The following ERC2 variants were observed in gnomAD, a reference collection of about 807,000 sequenced individuals.
The protein encoded by ERC2 is ELKS/RAB6-interacting/CAST family member 2.
A neutral mutation model predicts 114.8 loss-of-function variants in ERC2; 42 were observed. The observed-to-expected ratio is 0.37, with a 90% CI of 0.29 to 0.47. ERC2 has a LOEUF of 0.47. Ranked by LOEUF, ERC2 falls within the 20% of genes least tolerant of loss-of-function variation. The probability of loss-of-function intolerance (pLI) is 0.99; values close to 1 mark genes in which losing one functional copy is unlikely to be tolerated. For missense variants in ERC2, 939 were observed against 1,150.7 expected (o/e 0.82, Z 2.66); for synonymous variants, 454 against 425.5 (o/e 1.07, Z -0.82).
intron 17 of ERC2, among the ~76,000 whole-genome samples, chr3:55,608,618 G>GA (rs1285848213): frequency 2.0e-5 from 3 of 152,104 alleles, no homozygotes; most frequent in Non-Finnish European, 4.4e-5. Flanking sequence ...GCTTCCTTCT[G>GA]AAAAAATAAA....
intron 1 of ERC2, among the ~76,000 whole-genome samples, chr3:56,447,925 T>A (rs532218879): frequency 6.6e-6 from 1 of 152,214 alleles, no homozygotes; most frequent in East Asian, 1.9e-4. Flanking sequence ...GTATTTTTAG[T>A]ACAGATGGGG....
At chr3:55,973,670 G>C (rs1257788318) in intron 12 of ERC2, among the ~76,000 whole-genome samples, 11 of 152,142 alleles carry the variant, frequency 7.2e-5, no homozygotes. Flanking sequence ...TACCCTTCCA[G>C]GGTTGTTGGG....
At chr3:56,196,155 G>A (rs1446075632) in intron 3 of ERC2, among the ~76,000 whole-genome samples, 4 of 152,056 alleles carry the variant, frequency 2.6e-5, no homozygotes, top group African/African-American at 9.7e-5. Context: ...CCTCCCCTTG[G>A]CAAGCTGCTA....
At chr3:56,110,825 A>G (rs930095935) in intron 6 of ERC2, among the ~76,000 whole-genome samples, 1 of 152,224 alleles carries the variant, frequency 6.6e-6, no homozygotes, top group Non-Finnish European at 1.5e-5. Flanking sequence ...ATAATCAAAG[A>G]CTAATCTAGA....
chr3:55,784,841 T>C (rs2069355722), intron 14 of ERC2, among the ~76,000 whole-genome samples: 1 of 152,252 alleles, frequency 6.6e-6, no homozygotes, highest in African/African-American at 2.4e-5. Flanking sequence ...TGGAAGTTGC[T>C]GCCAAAGCTA....
At chr3:56,194,311 C>A (rs1005348721) in intron 3 of ERC2, among the ~76,000 whole-genome samples, 3 of 152,022 alleles carry the variant, frequency 2.0e-5, no homozygotes, top group Non-Finnish European at 4.4e-5. Context: ...AAGGTATTTG[C>A]AGATATAATT....
At chr3:55,628,544 CTTCT>C (rs1324590416) in intron 17 of ERC2, among the ~76,000 whole-genome samples, 4 of 152,140 alleles carry the variant, frequency 2.6e-5, no homozygotes, top group African/African-American at 7.2e-5. Flanking sequence ...CTTCCTTCTA[CTTCT>C]TTCTGTTTAC....
intron 6 of ERC2, among the ~76,000 whole-genome samples, chr3:56,109,254 G>T (rs1392453508): frequency 6.6e-6 from 1 of 152,024 alleles, no homozygotes; most frequent in Non-Finnish European, 1.5e-5. Flanking sequence ...CATTTAACTT[G>T]TAAGTGAGAA....
intron 3 of ERC2, among the ~76,000 whole-genome samples, chr3:56,182,499 G>A (rs528970712): frequency 5.9e-5 from 9 of 152,326 alleles, no homozygotes; most frequent in South Asian, 2.1e-4. Flanking sequence ...ATTGCTATGC[G>A]CTAAGCACTC....
intron 17 of ERC2, among the ~76,000 whole-genome samples, chr3:55,627,192 G>A (rs981358039): frequency 3.3e-5 from 5 of 152,218 alleles, no homozygotes; most frequent in African/African-American, 1.2e-4. Flanking sequence ...TTTTGGCCGG[G>A]TGTGGTGGCT....
chr3:56,405,764 T>C (rs2060694819), intron 2 of ERC2, among the ~76,000 whole-genome samples: 1 of 152,154 alleles, frequency 6.6e-6, no homozygotes, highest in African/African-American at 2.4e-5. Context: ...CTATTGGATA[T>C]TTAGGTTAGT....
intron 17 of ERC2, among the ~76,000 whole-genome samples, chr3:55,572,661 G>C (rs148537363): frequency 6.6e-6 from 1 of 152,194 alleles, no homozygotes; most frequent in Non-Finnish European, 1.5e-5. Flanking sequence ...CTGGGGCTGG[G>C]GGACTTGCCT....
At chr3:55,562,589 A>G (rs371584157) in intron 17 of ERC2, among the ~76,000 whole-genome samples, 1 of 152,216 alleles carries the variant, frequency 6.6e-6, no homozygotes, top group African/African-American at 2.4e-5. Flanking sequence ...AGTGTTTTGC[A>G]TACTCTGCTT....
intron 15 of ERC2, among the ~76,000 whole-genome samples, chr3:55,717,009 C>T (rs993501134): frequency 7.2e-5 from 11 of 152,072 alleles, no homozygotes; most frequent in African/African-American, 2.7e-4. Flanking sequence ...GGTGACTCTC[C>T]CCTGAGATTT....
At chr3:56,295,947 T>C (rs1215809891) in intron 3 of ERC2, 72 bp downstream of exon 3, 3 of 1,446,184 alleles carry the variant, frequency 2.1e-6, no homozygotes, top group Non-Finnish European at 1.8e-6. Flanking sequence ...TCTTCCAACC[T>C]GTGAAAATAA....
chr3:55,514,171 T>G (rs1452057087), intron 17 of ERC2, among the ~76,000 whole-genome samples: 3 of 152,096 alleles, frequency 2.0e-5, no homozygotes, highest in Non-Finnish European at 2.9e-5. Context: ...CTGAGGTGGG[T>G]GGATATTTTG....
chr3:56,343,192 T>TCTCTCACACACACACACACACA (rs1376220124), intron 2 of ERC2, among the ~76,000 whole-genome samples: 31 of 126,206 alleles, frequency 2.5e-4, no homozygotes, highest in African/African-American at 8.4e-4. Flanking sequence ...TCTCTCTCTC[T>TCTCTCACACACACACACACACA]CACACACACA....
chr3:56,026,725 T>C (rs941013950), intron 7 of ERC2, among the ~76,000 whole-genome samples: 5 of 152,360 alleles, frequency 3.3e-5, no homozygotes, highest in Admixed American at 1.3e-4. Flanking sequence ...TCTAGAATAA[T>C]TATAGTAAAA....
chr3:56,446,488 G>C (rs1326914915), intron 1 of ERC2, among the ~76,000 whole-genome samples: 1 of 152,112 alleles, frequency 6.6e-6, no homozygotes, highest in East Asian at 1.9e-4. Context: ...CCCACCGGCA[G>C]ATGCTGAGAC....
Sources: gnomAD v4.1 joint callset for allele counts (sites outside exome capture counted in the v4.1 genomes callset) on GRCh38, gnomAD v4.1.1 for gene constraint, MANE v1.5 for transcripts, NCBI Gene and HGNC (gene_info 2026-07-23, HGNC 2026-07-21) for gene names.